SHISA5: variants seen among roughly 807,000 people sequenced by gnomAD.
SHISA5 encodes protein shisa-5.
Under a neutral mutation model 27.5 loss-of-function variants are expected in SHISA5, and 21 were observed. That is an observed-to-expected ratio of 0.76 (90% confidence interval 0.54 to 1.10). The LOEUF is 1.10. SHISA5 is among the 50% of genes least tolerant of loss of function. SHISA5 has a pLI of 0.00. For synonymous variants in SHISA5, 137 were observed against 142.2 expected (o/e 0.96, Z 0.26); for missense variants, 314 against 336.3 (o/e 0.93, Z 0.52).
intron 2 of SHISA5, among the ~76,000 whole-genome samples, chr3:48,487,130 GCACA>G (rs34974602): frequency 5.4e-5 from 8 of 148,314 alleles, no homozygotes; most frequent in East Asian, 2.0e-4. Flanking sequence ...ACACGCACAC[GCACA>G]CACACACACA....
At position 48,467,992 on chromosome 3, in the gene SHISA5, A is replaced by T; in HGVS notation, c.*1115T>A. ...AATAGAGGGAGGAGGAACACGAGGT[A>T]TTCATGTCTGGGCCAGAGCTGCCAT... On this transcript the variant is annotated 3_prime_UTR_variant, in exon 6 of 6. Coordinates refer to ENST00000296444, the MANE Select transcript of SHISA5 (RefSeq NM_016479.6). 1 of 275,294 alleles carries T rather than the reference A, an allele frequency of 3.6e-6. No homozygotes were observed. Among genetic ancestry groups the T allele is most frequent in the Non-Finnish European group, 6.3e-6 (1 of 159,536 alleles). The allele number at this position is 275,294 out of a possible 1,614,324, so 17.1% of individuals were successfully genotyped here.
At chr3:48,489,878 T>A (rs2041371229) in intron 2 of SHISA5, among the ~76,000 whole-genome samples, 1 of 151,854 alleles carries the variant, frequency 6.6e-6, no homozygotes, top group African/African-American at 2.4e-5. Context: ...AATCCTCCCA[T>A]CTCAGCCTCT....
chr3:48,475,947 C>T (rs190667443), intron 3 of SHISA5, among the ~76,000 whole-genome samples: 1 of 152,354 alleles, frequency 6.6e-6, no homozygotes, highest in African/African-American at 2.4e-5. Context: ...ACTATAACCC[C>T]TGCCATGGGT....
In SHISA5 at chr3:48,470,134, C is replaced by T. The variant is rs3135957; in HGVS notation, c.315-291G>A. 4.6e-5 allele frequency among the ~76,000 whole-genome samples: 7 copies of T among 152,222 alleles called. No individual in the cohort carries two copies. The highest frequency in any genetic ancestry group is 2.6e-4 in the Admixed American group (4 of 15,278). ...CACACACATACATCTATCTTGTCCA[C>T]CTCACAACCAACTGATCAGCAGATG... is the stretch of plus-strand genomic sequence containing the variant. On this transcript the variant is annotated intron_variant, in intron 3 of 5. Coordinates refer to ENST00000296444, the MANE Select transcript of SHISA5 (RefSeq NM_016479.6). This position sits in a 1 kb window ranked among gnomAD's most constrained non-coding sequence, Gnocchi z 4.3.
At chr3:48,491,956 A>C (rs1031586849) in intron 2 of SHISA5, among the ~76,000 whole-genome samples, 1 of 151,932 alleles carries the variant, frequency 6.6e-6, no homozygotes, top group Non-Finnish European at 1.5e-5. Context: ...ACTGGAGATA[A>C]ATTTTGCCTC....
intron 1 of SHISA5, among the ~76,000 whole-genome samples, chr3:48,501,730 T>C (rs987291872): frequency 6.6e-6 from 1 of 152,054 alleles, no homozygotes; most frequent in Non-Finnish European, 1.5e-5. Context: ...CTGGTTCCTA[T>C]CTCCTGCCTT....
At chr3:48,503,176 TGA>T (rs1156864027) in intron 1 of SHISA5, 22 of 1,289,708 alleles carry the variant, frequency 1.7e-5, no homozygotes, top group Non-Finnish European at 2.2e-5. Flanking sequence ...CAGCCCAATC[TGA>T]GCCTCTGAGC....
intron 2 of SHISA5, among the ~76,000 whole-genome samples, chr3:48,499,544 G>T (rs2107385216): frequency 6.6e-6 from 1 of 151,250 alleles, no homozygotes; most frequent in South Asian, 2.1e-4. Context: ...GCCGGGCGTG[G>T]TGGCGGGCGC....
intron 3 of SHISA5, among the ~76,000 whole-genome samples, chr3:48,475,651 G>A (rs1421426345): frequency 6.6e-6 from 1 of 152,228 alleles, no homozygotes; most frequent in Non-Finnish European, 1.5e-5. Context: ...CCCCTGCACT[G>A]TGGCAGTGGA....
chr3:48,501,393 A>C, intron 1 of SHISA5, 100 bp from the exon 2 acceptor site: 1 of 1,313,682 alleles, frequency 7.6e-7, no homozygotes, highest in Non-Finnish European at 1.1e-6. Context: ...ACACACACAC[A>C]CATGCTGCAC....
intron 2 of SHISA5, among the ~76,000 whole-genome samples, chr3:48,483,743 C>T (rs2041104601): frequency 2.0e-5 from 3 of 150,174 alleles, no homozygotes; most frequent in Non-Finnish European, 3.0e-5. Context: ...CCCTCCCGGA[C>T]GGGGCGGCTG....
At chr3:48,503,822 C>G in intron 1 of SHISA5, 197 bp downstream of exon 1, 10 of 1,271,096 alleles carry the variant, frequency 7.9e-6, no homozygotes, top group Non-Finnish European at 9.9e-6. Context: ...GGTGTCTAGG[C>G]AGGGTTGTTC....
intron 2 of SHISA5, among the ~76,000 whole-genome samples, chr3:48,486,407 A>T (rs1174252146): frequency 4.9e-5 from 4 of 81,600 alleles, no homozygotes; most frequent in South Asian, 3.2e-4. Flanking sequence ...ATAATATATA[A>T]TATATATTAT....
intron 3 of SHISA5, among the ~76,000 whole-genome samples, chr3:48,474,200 A>G (rs1440269445): frequency 6.6e-6 from 1 of 150,896 alleles, no homozygotes; most frequent in Non-Finnish European, 1.5e-5. Context: ...TGATCCTCCC[A>G]CCTCAGTCCC....
chr3:48,483,617 C>T (rs1388324977), intron 2 of SHISA5, among the ~76,000 whole-genome samples: 7 of 151,926 alleles, frequency 4.6e-5, no homozygotes, highest in Non-Finnish European at 1.0e-4. Flanking sequence ...ACCTCCCAGA[C>T]GGGGTGGTGG....
intron 2 of SHISA5, among the ~76,000 whole-genome samples, chr3:48,487,032 G>A (rs1575322736): frequency 1.3e-5 from 2 of 151,950 alleles, no homozygotes; most frequent in Admixed American, 6.6e-5. Flanking sequence ...GATTGCTTAA[G>A]CCCAGCAGTT....
intron 2 of SHISA5, among the ~76,000 whole-genome samples, chr3:48,491,164 G>T (rs1231299724): frequency 6.9e-6 from 1 of 145,826 alleles, no homozygotes; most frequent in African/African-American, 2.5e-5. Context: ...TGTCGCCCAG[G>T]CTGGAGTGCA....
At chr3:48,492,597 C>T (rs2041467995) in intron 2 of SHISA5, among the ~76,000 whole-genome samples, 1 of 147,962 alleles carries the variant, frequency 6.8e-6, no homozygotes, top group Admixed American at 6.6e-5. Context: ...CACCAATGTT[C>T]GGAGGTGAGC....
In SHISA5 at chr3:48,473,859, G is replaced by A. The variant is rs1340660625; in HGVS notation, c.315-4016C>T. 6.6e-6 allele frequency among the ~76,000 whole-genome samples: 1 copy of A among 152,000 alleles called. No homozygotes were observed. Among genetic ancestry groups the A allele is most frequent in the East Asian group, 1.9e-4 (1 of 5,190 alleles). ...TTGGGAAGCTTGAGCCCAGGAGTTC[G>A]AGACCAGCCTGGGCAACATGGCAAA... On this transcript the variant is annotated intron_variant, in intron 3 of 5. Coordinates refer to ENST00000296444, the MANE Select transcript of SHISA5 (RefSeq NM_016479.6). This position sits in a 1 kb window ranked among gnomAD's most constrained non-coding sequence, Gnocchi z 4.3.
Sources: gnomAD v4.1 joint callset for allele counts (sites outside exome capture counted in the v4.1 genomes callset) on GRCh38, gnomAD v4.1.1 for gene constraint, Gnocchi (gnomAD v3.1) non-coding constraint, MANE v1.5 for transcripts, NCBI Gene and HGNC (gene_info 2026-07-23, HGNC 2026-07-21) for gene names.